CPEB3: variants seen among roughly 807,000 people sequenced by gnomAD.
CPEB3 encodes the protein cytoplasmic polyadenylation element binding protein 3, also known as cytoplasmic polyadenylation element-binding protein 3.
Under a neutral mutation model 67.2 loss-of-function variants are expected in CPEB3, and 20 were observed. That is an observed-to-expected ratio of 0.30 (90% CI 0.21 to 0.43). The LOEUF (loss-of-function observed/expected upper bound fraction) is 0.43, where lower values mean the gene tolerates loss of function less well. Among genes scored for constraint, CPEB3 ranks in the 20% least tolerant of loss-of-function variants. The pLI is 1.00. For missense variants in CPEB3, 746 were observed against 968.6 expected (o/e 0.77, Z 3.05); for synonymous variants, 376 against 393.1 (o/e 0.96, Z 0.51).
chr10:92,154,677 T>G (rs1017253814), intron 4 of CPEB3, among the ~76,000 whole-genome samples: 3 of 152,194 alleles, frequency 2.0e-5, no homozygotes, highest in African/African-American at 7.2e-5. Flanking sequence ...CTCAGAGATA[T>G]GTACTCCAAG....
At chr10:92,215,739 C>CTTTTTT (rs373522649) in intron 2 of CPEB3, among the ~76,000 whole-genome samples, 9 of 99,914 alleles carry the variant, frequency 9.0e-5, no homozygotes, top group Non-Finnish European at 1.5e-4. Flanking sequence ...TGGCGCCTGG[C>CTTTTTT]TTTTTTTTTT....
At position 92,186,246 on chromosome 10, in the gene CPEB3, T is replaced by C. The variant is rs927346887; in HGVS notation, c.1166-5227A>G. ...AATACAAAAAAAAAAAAAAATTAGG[T>C]GGGTATGGTGGCATGCACCTACAGT... On this transcript the variant is annotated intron_variant, in intron 3 of 9. Transcript: ENST00000265997. Among the ~76,000 whole-genome samples the C allele has an allele frequency of 3.7e-5, 5 of 136,574 alleles. 1 individual carries two copies. Among genetic ancestry groups the C allele is most frequent in the African/African-American group, 1.3e-4 (5 of 37,652 alleles). The allele number at this position is 136,574 out of a possible 152,430, so 89.6% of individuals were successfully genotyped here. A position where few individuals can be genotyped will look rare whatever the true frequency, so the allele number is the denominator to read the frequency against.
chr10:92,048,780 T>TAG lies in CPEB3; in HGVS notation c.*3430_*3431dup, dbSNP rs1384723949. ...CATAAAGCTTTGCATTTCAAAAAAC[T>TAG]AGACACTTTAGTAACAATATTACAA... On this transcript the variant is annotated 3_prime_UTR_variant, in exon 10 of 10. Coordinates refer to ENST00000265997, the MANE Select transcript of CPEB3 (RefSeq NM_014912.5). This position sits in a 1 kb window ranked among gnomAD's most constrained non-coding sequence, Gnocchi z 4.1. The TAG allele has an allele frequency of 6.6e-6, 1 of 152,540 alleles. No homozygotes were observed. The highest frequency in any genetic ancestry group is 2.4e-5 in the African/African-American group (1 of 41,412). The allele number at this position is 152,540 out of a possible 1,614,324, so 9.4% of individuals were successfully genotyped here.
At chr10:92,190,701 A>AGG (rs1848935096) in intron 3 of CPEB3, among the ~76,000 whole-genome samples, 4 of 142,746 alleles carry the variant, frequency 2.8e-5, no homozygotes, top group African/African-American at 5.2e-5. Context: ...AAAAAAAAAA[A>AGG]AGGAGGAGGA....
intron 6 of CPEB3, chr10:92,137,568 A>G (rs1188555279): frequency 4.0e-6 from 3 of 741,762 alleles, no homozygotes; most frequent in Non-Finnish European, 7.4e-6. Context: ...TCAAGAAGGA[A>G]GAGTTGACCC....
At chr10:92,261,701 G>A (rs939094442) in intron 1 of CPEB3, among the ~76,000 whole-genome samples, 3 of 152,040 alleles carry the variant, frequency 2.0e-5, no homozygotes, top group Non-Finnish European at 4.4e-5. Flanking sequence ...CACCCACCTC[G>A]GCCTCCTAAA....
intron 1 of CPEB3, among the ~76,000 whole-genome samples, chr10:92,290,679 A>G (rs142987784): frequency 3.9e-5 from 6 of 152,052 alleles, no homozygotes; most frequent in African/African-American, 7.2e-5. Context: ...CACCAAACCA[A>G]CCGACCCCTC....
intron 2 of CPEB3, among the ~76,000 whole-genome samples, chr10:92,208,767 G>A (rs969067239): frequency 7.2e-5 from 11 of 151,824 alleles, no homozygotes; most frequent in Non-Finnish European, 1.3e-4. Context: ...CTAATTTTTT[G>A]TATTTTCAGT....
chr10:92,095,602 T>TATATATATATATATATATA (rs10665210), intron 7 of CPEB3, among the ~76,000 whole-genome samples: 1 of 73,570 alleles, frequency 1.4e-5, no homozygotes, highest in African/African-American at 6.4e-5. Flanking sequence ...ATATATATAT[T>TATATATATATATATATATA]TTTTTTTTTT....
chr10:92,069,109 G>T (rs925970183), intron 9 of CPEB3, among the ~76,000 whole-genome samples: 2 of 152,130 alleles, frequency 1.3e-5, no homozygotes, highest in Admixed American at 1.3e-4. Context: ...TTGAGTCATT[G>T]TATATATTCC....
At position 92,154,508 on chromosome 10, in the gene CPEB3, T is replaced by C. The variant is rs1006111682; in HGVS notation, c.1223-9423A>G. ...TCCAAGCCTTGAGCTGATGTTCAAG[T>C]TATCCCCTGCTTTCATTACTTTATC... On this transcript the variant is annotated intron_variant, in intron 4 of 9. Transcript: ENST00000265997. Among the ~76,000 whole-genome samples the C allele has an allele frequency of 2.4e-4, 36 of 152,150 alleles. 1 individual carries two copies. The highest frequency in any genetic ancestry group is 5.9e-5 in the Non-Finnish European group (4 of 67,992).
chr10:92,056,057 C>T (rs1427483245), intron 9 of CPEB3, among the ~76,000 whole-genome samples: 3 of 152,138 alleles, frequency 2.0e-5, no homozygotes, highest in African/African-American at 4.8e-5. Flanking sequence ...AAACAAAGAA[C>T]GTGGCTTTTG....
intron 1 of CPEB3, among the ~76,000 whole-genome samples, chr10:92,289,823 CAT>C (rs1235505953): frequency 2.7e-5 from 3 of 112,378 alleles, no homozygotes; most frequent in East Asian, 5.3e-4. Flanking sequence ...TTATATAATA[CAT>C]ATATATTATA....
At chr10:92,283,744 T>TTTTTC (rs1842405220) in intron 1 of CPEB3, among the ~76,000 whole-genome samples, 1 of 146,002 alleles carries the variant, frequency 6.8e-6, no homozygotes, top group African/African-American at 2.6e-5. Flanking sequence ...TTTTTTTTTT[T>TTTTTC]GAGACAAGGT....
intron 1 of CPEB3, among the ~76,000 whole-genome samples, chr10:92,289,732 A>AAAAAAAAATATAT: frequency 8.8e-4 from 67 of 75,750 alleles, no homozygotes; most frequent in Non-Finnish European, 1.4e-3. Flanking sequence ...AAAAAAAAAA[A>AAAAAAAAATATAT]ATATATATAT....
chr10:92,192,432 TGC>T, intron 3 of CPEB3, 43 bp downstream of exon 3: 1 of 1,536,666 alleles, frequency 6.5e-7, no homozygotes, highest in African/African-American at 1.4e-5. Context: ...AGCTGATTTT[TGC>T]TTAAAACACC....
At chr10:92,215,818 G>A (rs1035661545) in intron 2 of CPEB3, among the ~76,000 whole-genome samples, 43 of 140,866 alleles carry the variant, frequency 3.1e-4, no homozygotes, top group Non-Finnish European at 5.9e-4. Flanking sequence ...GCACGATCTC[G>A]GCTCACTGCA....
chr10:92,187,890 C>T (rs1349259147), intron 3 of CPEB3, among the ~76,000 whole-genome samples: 1 of 152,092 alleles, frequency 6.6e-6, no homozygotes, highest in Non-Finnish European at 1.5e-5. Flanking sequence ...GATTTCTGTA[C>T]TTCGAAAAAG....
At chr10:92,150,243 G>GCT (rs760681355) in intron 4 of CPEB3, among the ~76,000 whole-genome samples, 1 of 150,856 alleles carries the variant, frequency 6.6e-6, no homozygotes, top group Non-Finnish European at 1.5e-5. Flanking sequence ...ATTTCCCTCT[G>GCT]CTCTCTCTCT....
Sources: gnomAD v4.1 joint callset for allele counts (sites outside exome capture counted in the v4.1 genomes callset) on GRCh38, gnomAD v4.1.1 for gene constraint, Gnocchi (gnomAD v3.1) non-coding constraint, MANE v1.5 for transcripts, NCBI Gene and HGNC (gene_info 2026-07-23, HGNC 2026-07-21) for gene names.